AGBL4: variants seen among roughly 807,000 people sequenced by gnomAD.
AGBL4 encodes cytosolic carboxypeptidase 6.
AGBL4 carries 58 observed loss-of-function variants against 66.4 expected under a neutral mutation model. That is an observed-to-expected ratio of 0.87 (90% CI 0.71 to 1.09). AGBL4 has a LOEUF of 1.09. AGBL4 is among the 50% of genes least tolerant of loss of function. The probability of loss-of-function intolerance (pLI) is 0.00; values close to 1 mark genes in which losing one functional copy is unlikely to be tolerated. For missense variants in AGBL4, 579 were observed against 631.0 expected (o/e 0.92, Z 0.88); for synonymous variants, 234 against 222.9 (o/e 1.05, Z -0.44).
intron 3 of AGBL4, among the ~76,000 whole-genome samples, chr1:49,612,140 T>G (rs1325581475): frequency 6.6e-6 from 1 of 152,204 alleles, no homozygotes. Context: ...CCTTTTTATT[T>G]TTTCTATGTG....
intron 6 of AGBL4, among the ~76,000 whole-genome samples, chr1:48,833,056 C>T (rs1324777899): frequency 6.6e-6 from 1 of 152,196 alleles, no homozygotes; most frequent in Admixed American, 6.5e-5. Flanking sequence ...ACTTACAATA[C>T]AGATCTAGGT....
intron 5 of AGBL4, among the ~76,000 whole-genome samples, chr1:48,995,742 C>A (rs1660950891): frequency 1.3e-5 from 2 of 152,022 alleles, no homozygotes; most frequent in African/African-American, 4.8e-5. Context: ...GAGAGAAGGT[C>A]ATAATAGCTA....
chr1:49,862,307 A>T (rs987032964), intron 1 of AGBL4, among the ~76,000 whole-genome samples: 2 of 151,802 alleles, frequency 1.3e-5, no homozygotes, highest in Admixed American at 1.3e-4. Flanking sequence ...CAGAAGAAAG[A>T]ATTAGTGAGT....
chr1:49,434,656 TGTGGTGGTG>T (rs1044832866), intron 3 of AGBL4, among the ~76,000 whole-genome samples: 3 of 150,966 alleles, frequency 2.0e-5, no homozygotes, highest in Non-Finnish European at 4.4e-5. Context: ...TATCTGTTCT[TGTGGTGGTG>T]GTGGTGGTAG....
intron 2 of AGBL4, among the ~76,000 whole-genome samples, chr1:49,712,934 C>T (rs764334538): frequency 3.3e-5 from 5 of 151,738 alleles, no homozygotes; most frequent in Non-Finnish European, 5.9e-5. Context: ...GAGTAGTGTC[C>T]TAAGCACAGA....
intron 5 of AGBL4, among the ~76,000 whole-genome samples, chr1:49,009,474 T>C (rs1164873815): frequency 6.6e-6 from 1 of 150,746 alleles, no homozygotes; most frequent in East Asian, 1.9e-4. Context: ...TACCATTCCT[T>C]CTGAAACTAT....
At chr1:48,729,649 T>C (rs1647779645) in intron 6 of AGBL4, among the ~76,000 whole-genome samples, 1 of 152,076 alleles carries the variant, frequency 6.6e-6, no homozygotes, top group Non-Finnish European at 1.5e-5. Flanking sequence ...AATCCACTGC[T>C]ACCTGCCCAT....
chr1:49,878,560 G>A (rs1297243894), intron 1 of AGBL4, among the ~76,000 whole-genome samples: 3 of 152,054 alleles, frequency 2.0e-5, no homozygotes, highest in African/African-American at 7.3e-5. Flanking sequence ...TACATTTGCT[G>A]AGGAGTGCTT....
intron 1 of AGBL4, among the ~76,000 whole-genome samples, chr1:50,023,087 C>T (rs1282391299): frequency 6.6e-6 from 1 of 152,128 alleles, no homozygotes; most frequent in East Asian, 1.9e-4. Context: ...TCATTGAACC[C>T]ACACACACTC....
At chr1:49,514,569 G>A (rs1475826387) in intron 3 of AGBL4, among the ~76,000 whole-genome samples, 1 of 151,618 alleles carries the variant, frequency 6.6e-6, no homozygotes, top group East Asian at 2.0e-4. Flanking sequence ...AAAAGAGCCT[G>A]CATCACCAAG....
chr1:48,590,115 C>T (rs771193105), intron 10 of AGBL4, among the ~76,000 whole-genome samples: 8 of 152,096 alleles, frequency 5.3e-5, no homozygotes, highest in Non-Finnish European at 7.4e-5. Context: ...TAAAAATTAG[C>T]CAGTAGCGGC....
chr1:49,011,648 T>G (rs1235913047), intron 5 of AGBL4, among the ~76,000 whole-genome samples: 1 of 152,028 alleles, frequency 6.6e-6, no homozygotes. Context: ...CCAACAATGA[T>G]AGACTGGATT....
chr1:49,848,958 T>C (rs1400361972), intron 2 of AGBL4, among the ~76,000 whole-genome samples: 2 of 152,146 alleles, frequency 1.3e-5, no homozygotes, highest in Non-Finnish European at 2.9e-5. Context: ...TTGTGTATGA[T>C]ACTATCAAAC....
At chr1:49,485,185 T>C (rs1647038723) in intron 3 of AGBL4, among the ~76,000 whole-genome samples, 1 of 151,840 alleles carries the variant, frequency 6.6e-6, no homozygotes, top group Non-Finnish European at 1.5e-5. Flanking sequence ...CTATTCACAA[T>C]AGCAAAGACT....
At chr1:49,973,508 G>A (rs113683037) in intron 1 of AGBL4, among the ~76,000 whole-genome samples, 2 of 151,294 alleles carry the variant, frequency 1.3e-5, no homozygotes, top group African/African-American at 2.4e-5. Flanking sequence ...TAGAGTATAC[G>A]TGTAAGAGTA....
rs1369163113 is a variant in AGBL4 at position 48,534,934 on chromosome 1, T to A, written c.1365-18A>T. 1 of 1,550,642 alleles carries A rather than the reference T, an allele frequency of 6.4e-7. No individual in the cohort carries two copies. The highest frequency in any genetic ancestry group is 8.7e-7 in the Non-Finnish European group (1 of 1,146,116). Reference sequence around the variant, plus strand: ...CTTTATTTCTAAAATAGGAGAAAAATTCATGTCCTTCCTGCCTCTTAGGCT... The same window carrying A: ...CTTTATTTCTAAAATAGGAGAAAAAATCATGTCCTTCCTGCCTCTTAGGCT... On this transcript the variant is annotated intron_variant, in intron 12 of 13. Coordinates refer to ENST00000371839, the MANE Select transcript of AGBL4 (RefSeq NM_032785.4).
intron 1 of AGBL4, among the ~76,000 whole-genome samples, chr1:49,901,260 T>G (rs541916426): frequency 6.6e-6 from 1 of 152,308 alleles, no homozygotes; most frequent in African/African-American, 2.4e-5. Flanking sequence ...CTATCCCTGT[T>G]TGCAGATAAC....
At chr1:49,238,462 A>G (rs1388783471) in intron 4 of AGBL4, among the ~76,000 whole-genome samples, 1 of 151,970 alleles carries the variant, frequency 6.6e-6, no homozygotes, top group Admixed American at 6.6e-5. Context: ...GTACTCAGCT[A>G]TTGAGCCCAT....
intron 1 of AGBL4, among the ~76,000 whole-genome samples, chr1:49,897,726 A>G (rs1300528345): frequency 2.0e-5 from 3 of 152,118 alleles, no homozygotes; most frequent in Non-Finnish European, 2.9e-5. Flanking sequence ...ATAGTAACTC[A>G]AACAGCATGA....
Sources: allele counts gnomAD v4.1 joint callset (sites outside exome capture counted in the v4.1 genomes callset), GRCh38; gene constraint gnomAD v4.1.1; transcripts MANE v1.5; gene names NCBI Gene and HGNC (gene_info 2026-07-23, HGNC 2026-07-21).